The following ADAD1 variants were observed in gnomAD, a reference collection of about 807,000 sequenced individuals.
ADAD1 encodes the protein adenosine deaminase domain containing 1, also known as adenosine deaminase domain-containing protein 1.
Under a neutral mutation model 66.8 loss-of-function variants are expected in ADAD1, and 46 were observed. The ratio of observed to expected loss-of-function variants is 0.69; its 90% CI spans 0.54 to 0.88. The LOEUF (loss-of-function observed/expected upper bound fraction) is 0.88, where lower values mean the gene tolerates loss of function less well. Ranked by LOEUF, ADAD1 falls within the 40% of genes least tolerant of loss-of-function variation. The pLI, the probability that ADAD1 is intolerant of heterozygous loss-of-function variation, is 0.00. For missense variants in ADAD1, 617 were observed against 681.8 expected (o/e 0.91, Z 1.06); for synonymous variants, 248 against 229.4 (o/e 1.08, Z -0.73).
intron 12 of ADAD1, among the ~76,000 whole-genome samples, chr4:122,426,048 T>G (rs1373315756): frequency 6.6e-6 from 1 of 151,876 alleles, no homozygotes; most frequent in African/African-American, 2.4e-5. Flanking sequence ...AAAAAAATAG[T>G]AGGAAAAAAT....
At chr4:122,379,787 A>G (rs936607) in intron 2 of ADAD1, 84,927 of 289,152 alleles carry the variant, frequency 0.29, 13,735 homozygotes, top group South Asian at 0.52. Context: ...CTAACTCCTG[A>G]GTAGTTTTAA....
chr4:122,412,956 G>A lies in ADAD1; in HGVS notation c.1249+147G>A, dbSNP rs186788055. The A allele has an allele frequency of 3.1e-5, 20 of 650,510 alleles. No homozygotes were observed. The Admixed American group carries it at 6.0e-4, about 20-fold the overall frequency. The allele number at this position is 650,510 out of a possible 1,614,324, so 40.3% of individuals were successfully genotyped here. On this transcript the variant is annotated intron_variant, in intron 10 of 12. Transcript: ENST00000296513. Reference sequence around the variant, plus strand: ...CACAGATCTGCTGTTTTGTAGAGCTGTTGGTTTCATGATAAATTATCAGGG... The same window carrying A: ...CACAGATCTGCTGTTTTGTAGAGCTATTGGTTTCATGATAAATTATCAGGG...
chr4:122,407,993 C>T lies in ADAD1; in HGVS notation c.810C>T (p.Asp270=). Residue 270 remains aspartate (D), a synonymous_variant, in exon 8 of 13, where the codon GAC becomes GAT. Coordinates refer to ENST00000296513, the MANE Select transcript of ADAD1 (RefSeq NM_139243.4). ...DIKPDGRVLH[D]THAVVTARRS... is the part of the protein sequence containing the mutation. Reference sequence around the variant, plus strand: ...AGCCAGATGGAAGAGTATTGCATGACACTCATGCTGTTGTTACAGCAAGAA... The same window carrying T: ...AGCCAGATGGAAGAGTATTGCATGATACTCATGCTGTTGTTACAGCAAGAA... 1 of 1,613,484 alleles carries T rather than the reference C, an allele frequency of 6.2e-7. No homozygotes were observed. The highest frequency in any genetic ancestry group is 2.2e-5 in the East Asian group (1 of 44,814).
At chr4:122,407,641 T>G (rs1350319524) in intron 7 of ADAD1, among the ~76,000 whole-genome samples, 2 of 152,206 alleles carry the variant, frequency 1.3e-5, no homozygotes, top group African/African-American at 4.8e-5. Flanking sequence ...CAAGGACATT[T>G]GGTAATTCCA....
At chr4:122,389,536 C>T (rs1303253638) in intron 5 of ADAD1, among the ~76,000 whole-genome samples, 2 of 152,270 alleles carry the variant, frequency 1.3e-5, no homozygotes, top group African/African-American at 4.8e-5. Flanking sequence ...AATCTGGGTG[C>T]TCCTGTATTG....
intron 10 of ADAD1, among the ~76,000 whole-genome samples, chr4:122,413,430 G>GA (rs952574602): frequency 1.3e-5 from 2 of 151,848 alleles, no homozygotes; most frequent in Non-Finnish European, 1.5e-5. Flanking sequence ...GAGTAATCTG[G>GA]AAAAAAATTC....
At chr4:122,403,896 T>C (rs898615394) in intron 7 of ADAD1, among the ~76,000 whole-genome samples, 1 of 152,054 alleles carries the variant, frequency 6.6e-6, no homozygotes, top group Non-Finnish European at 1.5e-5. Flanking sequence ...AATGGAGTTA[T>C]GTTTTAGGGG....
chr4:122,400,711 C>A (rs2150562735), intron 7 of ADAD1, among the ~76,000 whole-genome samples: 1 of 152,118 alleles, frequency 6.6e-6, no homozygotes, highest in Middle Eastern at 3.4e-3. Flanking sequence ...AGTTTTATTT[C>A]TTCCTGGCTT....
chr4:122,405,051 A>G (rs558094954), intron 7 of ADAD1, among the ~76,000 whole-genome samples: 1 of 152,278 alleles, frequency 6.6e-6, no homozygotes, highest in Non-Finnish European at 1.5e-5. Context: ...TACCCTTTAC[A>G]ACTCAGAGCT....
At chr4:122,407,389 A>G (rs766280791) in intron 7 of ADAD1, among the ~76,000 whole-genome samples, 4 of 152,202 alleles carry the variant, frequency 2.6e-5, no homozygotes, top group Non-Finnish European at 4.4e-5. Flanking sequence ...CAAAATGTGA[A>G]TGGAGCAAAG....
In ADAD1 at chr4:122,396,276, A is replaced by G. The variant is rs997228729; in HGVS notation, c.623A>G (p.Lys208Arg). ...GAAGGGAGACATATTCAATATGCAA[A>G]GATTTCACAGATCGTTAAAGAAAGA... ...HYEGRHIQYAKISQIVKERFN... is the reference protein window; with the variant it reads ...HYEGRHIQYARISQIVKERFN... The change falls in exon 7 of 13, where the codon AAG becomes AGG. Residue 208 changes from lysine (K) to arginine (R), a missense_variant. Physicochemically the swap from Lys to Arg is conservative, Grantham distance 26. Transcript: ENST00000296513. 1.9e-5 allele frequency: 31 copies of G among 1,591,970 alleles called. No individual in the cohort carries two copies. The highest frequency in any genetic ancestry group is 2.5e-5 in the Non-Finnish European group (29 of 1,171,800).
intron 11 of ADAD1, among the ~76,000 whole-genome samples, chr4:122,420,124 A>G (rs1404230871): frequency 6.6e-6 from 1 of 152,232 alleles, no homozygotes; most frequent in Non-Finnish European, 1.5e-5. Flanking sequence ...AATCAAGAAA[A>G]TTATCAAAAC....
In ADAD1 at chr4:122,381,155, T is replaced by C. The variant is rs751523719; in HGVS notation, c.336T>C (p.Leu112=). ...TTGCACAAATGCAGCGAGTTCAGCT[T>C]GACCTTAAGGAAACTGTGACAACAG... ...HQFAQMQRVQ[L]DLKETVTTGN... Residue 112 remains leucine (L), a synonymous_variant, in exon 4 of 13, where the codon CTT becomes CTC. Coordinates refer to ENST00000296513, the MANE Select transcript of ADAD1 (RefSeq NM_139243.4). 3.8e-6 allele frequency: 6 copies of C among 1,574,784 alleles called. No homozygotes were observed. Among genetic ancestry groups the C allele is most frequent in the Middle Eastern group, 3.4e-4 (2 of 5,970 alleles).
intron 12 of ADAD1, among the ~76,000 whole-genome samples, chr4:122,422,956 TAAAAAA>T (rs537676034): frequency 3.1e-5 from 3 of 97,200 alleles, no homozygotes; most frequent in East Asian, 3.2e-4. Context: ...TATTTCTCTT[TAAAAAA>T]AAAAAAAAAA....
At chr4:122,396,213 C>G (rs747225915) in intron 6 of ADAD1, 39 bp from the exon 7 acceptor site, 55 of 1,526,704 alleles carry the variant, frequency 3.6e-5, no homozygotes, top group Non-Finnish European at 4.6e-5. Flanking sequence ...CTAGGAGGAG[C>G]ACAATGTTCT....
chr4:122,380,504 G>A lies in ADAD1; in HGVS notation c.172+263G>A, dbSNP rs903891360. On this transcript the variant is annotated intron_variant, in intron 3 of 12. Coordinates refer to ENST00000296513, the MANE Select transcript of ADAD1 (RefSeq NM_139243.4). Reference sequence around the variant, plus strand: ...GTGGCTTGCCTTTCTGAGGTGAGGCGCAAGGGAAGATACTGGACTTACACT... The same window carrying A: ...GTGGCTTGCCTTTCTGAGGTGAGGCACAAGGGAAGATACTGGACTTACACT... 7 of 445,306 alleles carry A rather than the reference G, an allele frequency of 1.6e-5. No individual in the cohort carries two copies. In the East Asian group the frequency reaches 1.6e-4, roughly 10 times the overall value. 27.6% of individuals were successfully genotyped at this position (445,306 alleles called of 1,614,324 possible).
chr4:122,427,027 A>G (rs1026618945), intron 12 of ADAD1, among the ~76,000 whole-genome samples: 1 of 152,226 alleles, frequency 6.6e-6, no homozygotes, highest in South Asian at 2.1e-4. Context: ...AAAGGTACCT[A>G]TACTGTAAAG....
chr4:122,423,842 G>T (rs1797115856), intron 12 of ADAD1, among the ~76,000 whole-genome samples: 1 of 152,188 alleles, frequency 6.6e-6, no homozygotes, highest in South Asian at 2.1e-4. Flanking sequence ...TGGTTTTCAG[G>T]TGCTAGAGGA....
At chr4:122,380,336 G>A in intron 3 of ADAD1, 95 bp downstream of exon 3, 19 of 1,435,732 alleles carry the variant, frequency 1.3e-5, no homozygotes, top group Non-Finnish European at 1.8e-5. Flanking sequence ...AGGTTTCGTG[G>A]TTGTATAGAC....
Sources: gnomAD v4.1 joint callset for allele counts (sites outside exome capture counted in the v4.1 genomes callset) on GRCh38, gnomAD v4.1.1 for gene constraint, MANE v1.5 for transcripts, NCBI Gene and HGNC (gene_info 2026-07-23, HGNC 2026-07-21) for gene names.